Variants in CDKN2B-AS1 observed in about 807,000 individuals in gnomAD.
CDKN2B-AS1 encodes the protein CDKN2B and CDKN2A antisense cis and trans regulatory RNA 1, also known as CDKN2B antisense RNA 1 (non-protein coding).
In CDKN2B-AS1 at chr9:22,001,776, G is replaced by A. The variant is rs1279398063; in HGVS notation, n.29+6615G>A. ...ATTTGGATAGCTGAAATTGAGAAAC[G>A]TTTTATAGAAACTTTTCAGGTATGA... On this transcript the variant is annotated intron_variant and non_coding_transcript_variant, in intron 1 of 4. Transcript: ENST00000650946. This position sits in a 1 kb window ranked among gnomAD's most constrained non-coding sequence, Gnocchi z 4.2. 1.3e-5 allele frequency among the ~76,000 whole-genome samples: 2 copies of A among 152,042 alleles called. No homozygotes were observed. Among genetic ancestry groups the A allele is most frequent in the Non-Finnish European group, 1.5e-5 (1 of 67,938 alleles).
At chr9:22,083,766 G>C (rs753543304) in intron 4 of CDKN2B-AS1, among the ~76,000 whole-genome samples, 1 of 152,170 alleles carries the variant, frequency 6.6e-6, no homozygotes, top group Non-Finnish European at 1.5e-5. Context: ...GTAAGATGCT[G>C]AGTTCAGTTT....
chr9:22,115,769 G>A (rs542557979), intron 4 of CDKN2B-AS1, among the ~76,000 whole-genome samples: 1 of 152,004 alleles, frequency 6.6e-6, no homozygotes, highest in Non-Finnish European at 1.5e-5. Flanking sequence ...GGGTAAACAG[G>A]GCATATTGTG....
At chr9:22,096,195 A>G (rs1206954760) in intron 4 of CDKN2B-AS1, among the ~76,000 whole-genome samples, 1 of 152,158 alleles carries the variant, frequency 6.6e-6, no homozygotes, top group Non-Finnish European at 1.5e-5. Context: ...AATGTTGGGG[A>G]ATGTTGAGAG....
At chr9:22,025,703 A>T (rs1206925795) in intron 1 of CDKN2B-AS1, among the ~76,000 whole-genome samples, 2 of 152,096 alleles carry the variant, frequency 1.3e-5, no homozygotes, top group African/African-American at 4.8e-5. Flanking sequence ...TCTCTCTGGG[A>T]GCTCCATCCC....
chr9:22,021,116 A>G (rs948745539), intron 1 of CDKN2B-AS1, among the ~76,000 whole-genome samples: 6 of 152,268 alleles, frequency 3.9e-5, no homozygotes, highest in Middle Eastern at 3.4e-3. Context: ...TCCCAGCACC[A>G]TTTATTGAAT....
chr9:22,117,792 G>C (rs1825991467), intron 4 of CDKN2B-AS1: 1 of 152,220 alleles, frequency 6.6e-6, no homozygotes, highest in Non-Finnish European at 1.5e-5. Flanking sequence ...CCTGGGAAGA[G>C]GTTCAAGGAT....
chr9:22,065,150 C>A (rs1823985426), intron 4 of CDKN2B-AS1, among the ~76,000 whole-genome samples: 1 of 152,206 alleles, frequency 6.6e-6, no homozygotes, highest in African/African-American at 2.4e-5. Context: ...GACTGGCATT[C>A]TTCCCTGGAG....
chr9:22,087,078 A>G (rs1011532747), intron 4 of CDKN2B-AS1, among the ~76,000 whole-genome samples: 2 of 152,214 alleles, frequency 1.3e-5, no homozygotes, highest in Non-Finnish European at 2.9e-5. Flanking sequence ...TAGCCCCTGT[A>G]GTGAATCAGG....
chr9:22,068,581 C>A (rs1024472252), intron 4 of CDKN2B-AS1, among the ~76,000 whole-genome samples: 1 of 152,096 alleles, frequency 6.6e-6, no homozygotes, highest in Non-Finnish European at 1.5e-5. Context: ...AAGGGTGTTA[C>A]TCGTAGGAGG....
intron 1 of CDKN2B-AS1, chr9:22,029,768 T>A (rs980648307): frequency 3.1e-5 from 11 of 356,854 alleles, no homozygotes; most frequent in African/African-American, 2.3e-4. Context: ...TGACAGTTTA[T>A]TTTATCTTGT....
chr9:22,034,823 A>C (rs564535987), intron 1 of CDKN2B-AS1, among the ~76,000 whole-genome samples: 79 of 152,312 alleles, frequency 5.2e-4, no homozygotes, highest in African/African-American at 1.9e-3. Context: ...CTATGTTCCA[A>C]TAAGACTTTT....
intron 4 of CDKN2B-AS1, among the ~76,000 whole-genome samples, chr9:22,059,463 TG>T (rs1726799791): frequency 6.6e-6 from 1 of 152,140 alleles, no homozygotes; most frequent in South Asian, 2.1e-4. Flanking sequence ...ATGCAGGAGG[TG>T]GGTTGCCATG....
At chr9:22,065,168 A>T (rs1823986325) in intron 4 of CDKN2B-AS1, among the ~76,000 whole-genome samples, 1 of 151,990 alleles carries the variant, frequency 6.6e-6, no homozygotes, top group Non-Finnish European at 1.5e-5. Context: ...GAGTTTGAGT[A>T]CCTCCGTCAG....
At chr9:22,044,473 G>A (rs1749490471) in intron 1 of CDKN2B-AS1, among the ~76,000 whole-genome samples, 1 of 152,066 alleles carries the variant, frequency 6.6e-6, no homozygotes, top group African/African-American at 2.4e-5. Context: ...TCCTGTGTAA[G>A]TTCATATATA....
chr9:22,111,095 C>G (rs550581959), intron 4 of CDKN2B-AS1, among the ~76,000 whole-genome samples: 1 of 152,088 alleles, frequency 6.6e-6, no homozygotes, highest in African/African-American at 2.4e-5. Context: ...TGAGTTGTTC[C>G]CATTTTATTT....
At chr9:22,019,767 A>T (rs1587410233) in intron 1 of CDKN2B-AS1, among the ~76,000 whole-genome samples, 1 of 152,224 alleles carries the variant, frequency 6.6e-6, no homozygotes, top group East Asian at 1.9e-4. Flanking sequence ...ATAGAAAATT[A>T]GCAGACATTT....
rs1821102191 is a variant in CDKN2B-AS1, at chr9:22,005,126, G to GTC, written n.29+9966_29+9967insCT. On this transcript the variant is annotated intron_variant and non_coding_transcript_variant, in intron 1 of 4. Coordinates refer to ENST00000650946, the Ensembl canonical transcript of CDKN2B-AS1. This position sits in a 1 kb window ranked among gnomAD's most constrained non-coding sequence, Gnocchi z 4.9. ...CGCATCCTAGCATGTGTGTGTGTGT[G>GTC]TGTGTGTGTGTGTGTGAAAGAAAAC... 3 of 232,780 alleles carry GTC rather than the reference G, an allele frequency of 1.3e-5. No individual in the cohort carries two copies. Among genetic ancestry groups the GTC allele is most frequent in the Admixed American group, 5.6e-5 (1 of 17,778 alleles). 14.4% of individuals were successfully genotyped at this position (232,780 alleles called of 1,614,324 possible). A position where few individuals can be genotyped will look rare whatever the true frequency, so the allele number is the denominator to read the frequency against.
At chr9:22,030,528 A>T (rs965949711) in intron 1 of CDKN2B-AS1, 19 of 152,148 alleles carry the variant, frequency 1.2e-4, no homozygotes, top group African/African-American at 4.3e-4. Context: ...CACAATGTAA[A>T]ATTGTAAGAG....
chr9:22,078,335 C>T (rs1314961198), intron 4 of CDKN2B-AS1, among the ~76,000 whole-genome samples: 1 of 152,052 alleles, frequency 6.6e-6, no homozygotes, highest in Non-Finnish European at 1.5e-5. Context: ...GCTAAAACCC[C>T]CATTTTCCCT....
Sources: allele counts gnomAD v4.1 joint callset (sites outside exome capture counted in the v4.1 genomes callset), GRCh38; gene constraint gnomAD v4.1.1; non-coding constraint Gnocchi (gnomAD v3.1); transcripts MANE v1.5; gene names NCBI Gene and HGNC (gene_info 2026-07-23, HGNC 2026-07-21).